Variants in SH2D4A observed in about 807,000 individuals in gnomAD.
The protein encoded by SH2D4A is SH2 domain containing 4A, also known as SH2 domain-containing protein 4A.
A neutral mutation model predicts 64.7 loss-of-function variants in SH2D4A; 70 were observed. That is an observed-to-expected ratio of 1.08 (90% CI 0.89 to 1.32). The LOEUF is 1.32. Among genes scored for constraint, SH2D4A ranks in the 40% most tolerant of loss-of-function variants. The pLI is 0.00. For missense variants in SH2D4A, 706 were observed against 540.1 expected, an observed-to-expected ratio of 1.31 and a Z score of -3.04; for synonymous variants, 268 against 200.7, an observed-to-expected ratio of 1.34 and a Z score of -2.83.
intron 7 of SH2D4A, among the ~76,000 whole-genome samples, chr8:19,373,111 C>G (rs960232585): frequency 6.6e-6 from 1 of 151,994 alleles, no homozygotes; most frequent in Non-Finnish European, 1.5e-5. Context: ...TACAAATGAA[C>G]TTAAATCTGT....
At chr8:19,342,988 C>T (rs1052452781) in intron 4 of SH2D4A, among the ~76,000 whole-genome samples, 4 of 152,272 alleles carry the variant, frequency 2.6e-5, no homozygotes, top group African/African-American at 7.2e-5. Context: ...ACGCTGCTTC[C>T]GTCTCTGTGT....
intron 4 of SH2D4A, among the ~76,000 whole-genome samples, chr8:19,338,855 G>T (rs1203747177): frequency 2.0e-5 from 3 of 152,174 alleles, no homozygotes; most frequent in Non-Finnish European, 4.4e-5. Flanking sequence ...AGTAAGTGAG[G>T]TATTGTATTG....
intron 8 of SH2D4A, among the ~76,000 whole-genome samples, chr8:19,376,679 C>A (rs184767240): frequency 5.9e-5 from 9 of 152,174 alleles, no homozygotes; most frequent in African/African-American, 2.2e-4. Context: ...TTCCCAGAGA[C>A]ATCCAGAATA....
intron 4 of SH2D4A, among the ~76,000 whole-genome samples, chr8:19,346,156 G>A (rs766784014): frequency 6.6e-6 from 1 of 152,218 alleles, no homozygotes; most frequent in African/African-American, 2.4e-5. Context: ...TCTAGTTAGG[G>A]AATGGAAGTT....
chr8:19,333,951 T>G (rs2052401930), intron 3 of SH2D4A, among the ~76,000 whole-genome samples: 1 of 152,158 alleles, frequency 6.6e-6, no homozygotes, highest in Non-Finnish European at 1.5e-5. Context: ...GGACAACTGC[T>G]TCAGAGGCCA....
chr8:19,371,613 C>A (rs978079874), intron 7 of SH2D4A, among the ~76,000 whole-genome samples: 1 of 152,006 alleles, frequency 6.6e-6, no homozygotes, highest in South Asian at 2.1e-4. Context: ...AATTTTTTTC[C>A]AGGTTTGGAA....
rs549961446 is a variant in SH2D4A, at chr8:19,319,015, T to C, written c.-204-329T>C. On this transcript the variant is annotated intron_variant, in intron 1 of 9. Transcript: ENST00000265807. Reference sequence around the variant, plus strand: ...TTTCTTTCTTTTTTCAGCCACACAGTTGGTGGTTTGTTAGGCTCTGGGGTA... The same window carrying C: ...TTTCTTTCTTTTTTCAGCCACACAGCTGGTGGTTTGTTAGGCTCTGGGGTA... Among the ~76,000 whole-genome samples the C allele has an allele frequency of 2.6e-5, 4 of 152,226 alleles. No homozygotes were observed. In the East Asian group the frequency reaches 5.8e-4, roughly 22 times the overall value.
At position 19,394,964 on chromosome 8, in the gene SH2D4A, C is replaced by T. The variant is rs182856691; in HGVS notation, c.*322C>T. On this transcript the variant is annotated 3_prime_UTR_variant, in exon 10 of 10. Transcript: ENST00000265807. ...GAAAACTTTTAGAAATTAAGGTGTACTTGAAAACGAATATCTATCATATGA... is the reference window on the plus strand; with the variant it reads ...GAAAACTTTTAGAAATTAAGGTGTATTTGAAAACGAATATCTATCATATGA... The T allele has an allele frequency of 4.4e-5, 8 of 181,726 alleles. No individual in the cohort carries two copies. The highest frequency in any genetic ancestry group is 6.8e-5 in the Non-Finnish European group (6 of 88,006). 11.3% of individuals were successfully genotyped at this position (181,726 alleles called of 1,614,324 possible).
At position 19,333,111 on chromosome 8, in the gene SH2D4A, C is replaced by A; in HGVS notation, c.338C>A (p.Pro113His). 6.2e-7 allele frequency: 1 copy of A among 1,608,954 alleles called. No homozygotes were observed. Among genetic ancestry groups the A allele is most frequent in the Admixed American group, 1.7e-5 (1 of 58,566 alleles). ...AAAGCAGAACAGGAGGCAGAAGAGC[C>A]CAGGTATGAGATCTGCAAACCAACC... ...RLKAEQEAEE[P>H]RKTHSEEFTN... The change falls in exon 3 of 10, where the codon CCC becomes CAC. Residue 113 changes from proline (P) to histidine (H), a missense_variant. Pro to His is a moderately conservative substitution (Grantham distance 77, BLOSUM62 -2). Transcript: ENST00000265807.
intron 4 of SH2D4A, among the ~76,000 whole-genome samples, chr8:19,342,926 G>A (rs1465984030): frequency 6.6e-6 from 1 of 152,178 alleles, no homozygotes; most frequent in Non-Finnish European, 1.5e-5. Flanking sequence ...GGGACACCTT[G>A]AGCCAGTCTC....
intron 8 of SH2D4A, chr8:19,375,537 A>G (rs188270289): frequency 2.6e-5 from 4 of 152,358 alleles, no homozygotes; most frequent in Non-Finnish European, 5.9e-5. Context: ...AGTGGGTAGG[A>G]GAGGACAAAG....
intron 2 of SH2D4A, among the ~76,000 whole-genome samples, chr8:19,332,204 T>G (rs2052372961): frequency 6.6e-6 from 1 of 152,210 alleles, no homozygotes; most frequent in African/African-American, 2.4e-5. Flanking sequence ...GCCACACCCT[T>G]GAGCAGCTGT....
intron 2 of SH2D4A, among the ~76,000 whole-genome samples, chr8:19,325,964 A>G (rs561484121): frequency 8.5e-5 from 13 of 152,298 alleles, no homozygotes; most frequent in South Asian, 2.1e-4. Context: ...GGGAAAGAAC[A>G]TGATGGCAAC....
Position 19,361,258 on chromosome 8 carries a change from A to G in SH2D4A, c.650A>G (p.Glu217Gly). 2 of 1,611,592 alleles carry G rather than the reference A, an allele frequency of 1.2e-6. No individual in the cohort carries two copies. The highest frequency in any genetic ancestry group is 2.2e-5 in the South Asian group (2 of 90,612). ...QDEEINQIEE[E>G]RTKQICKSWK... ...GAAGAAATAAATCAAATAGAAGAAG[A>G]GAGAACGAAGCAGATTTGTAAGAGC... is the stretch of plus-strand genomic sequence containing the variant. Residue 217 changes from glutamate to glycine, a missense_variant, in exon 6 of 10, where the codon GAG (glutamate) becomes GGG (glycine). Coordinates refer to ENST00000265807, the MANE Select transcript of SH2D4A (RefSeq NM_022071.4).
At chr8:19,340,951 TAA>T (rs2052520536) in intron 4 of SH2D4A, among the ~76,000 whole-genome samples, 1 of 152,176 alleles carries the variant, frequency 6.6e-6, no homozygotes, top group Non-Finnish European at 1.5e-5. Context: ...CTCATGGAGT[TAA>T]GTCTTTTCAC....
At chr8:19,373,494 G>GT in intron 7 of SH2D4A, 36 bp from the exon 8 acceptor site, 1 of 1,505,016 alleles carries the variant, frequency 6.6e-7, no homozygotes. Flanking sequence ...TTTCAAATTA[G>GT]TTAAATCTAA....
At chr8:19,327,136 G>A (rs1268287612) in intron 2 of SH2D4A, among the ~76,000 whole-genome samples, 1 of 152,220 alleles carries the variant, frequency 6.6e-6, no homozygotes, top group East Asian at 1.9e-4. Flanking sequence ...CTACTTGGCA[G>A]TGTTGTTCTG....
chr8:19,350,318 T>C lies in SH2D4A; in HGVS notation c.514-6885T>C, dbSNP rs144657672. ...TGCATCACTGCATTTTTCAAAGATG[T>C]TGCTGCCCAGTTCTGTTGTTTGTGC... On this transcript the variant is annotated intron_variant, in intron 4 of 9. Transcript: ENST00000265807. Among the ~76,000 whole-genome samples, 114 of 152,338 alleles carry C rather than the reference T, an allele frequency of 7.5e-4. 1 individual carries two copies. The East Asian group carries it at 0.021, about 28-fold the overall frequency.
At chr8:19,387,599 T>C (rs997896101) in intron 8 of SH2D4A, among the ~76,000 whole-genome samples, 1 of 152,214 alleles carries the variant, frequency 6.6e-6, no homozygotes, top group East Asian at 1.9e-4. Context: ...CAGTTTCTTC[T>C]GACACAGCCA....
Sources: gnomAD v4.1 joint callset for allele counts (sites outside exome capture counted in the v4.1 genomes callset) on GRCh38, gnomAD v4.1.1 for gene constraint, MANE v1.5 for transcripts, NCBI Gene and HGNC (gene_info 2026-07-23, HGNC 2026-07-21) for gene names.